The following CCDC13 variants were observed in gnomAD, a reference collection of about 807,000 sequenced individuals.
The protein encoded by CCDC13 is coiled-coil domain containing 13.
Under a neutral mutation model 87.3 loss-of-function variants are expected in CCDC13, and 70 were observed. The ratio of observed to expected loss-of-function variants is 0.80; its 90% CI spans 0.66 to 0.98. CCDC13 has a LOEUF of 0.98. CCDC13 is among the 50% of genes least tolerant of loss of function. The pLI, the probability that CCDC13 is intolerant of heterozygous loss-of-function variation, is 0.00. For missense variants in CCDC13, 842 were observed against 892.0 expected (o/e 0.94, Z 0.71); for synonymous variants, 317 against 360.3 (o/e 0.88, Z 1.36).
At chr3:42,743,125 T>C in intron 7 of CCDC13, 68 bp from the exon 8 acceptor site, 5 of 1,574,636 alleles carry the variant, frequency 3.2e-6, no homozygotes, top group South Asian at 2.3e-5. Flanking sequence ...AGAAGTGTGA[T>C]AGGAGACCCC....
intron 9 of CCDC13, among the ~76,000 whole-genome samples, chr3:42,737,484 G>A (rs189352456): frequency 4.6e-5 from 7 of 152,174 alleles, no homozygotes; most frequent in African/African-American, 7.2e-5. Context: ...TTGAGGAATC[G>A]CCACACTGTC....
chr3:42,772,101 A>G (rs1193689117), intron 1 of CCDC13, among the ~76,000 whole-genome samples: 1 of 151,548 alleles, frequency 6.6e-6, no homozygotes, highest in Non-Finnish European at 1.5e-5. Flanking sequence ...GTGAAACCCC[A>G]TCTCTACTAA....
chr3:42,709,285 C>T, intron 15 of CCDC13, 146 bp from the exon 16 acceptor site: 1 of 783,782 alleles, frequency 1.3e-6, no homozygotes, highest in Non-Finnish European at 2.0e-6. Flanking sequence ...CTCACTGACT[C>T]TTGTGGGTAC....
chr3:42,761,165 T>C (rs748119873), intron 1 of CCDC13, among the ~76,000 whole-genome samples: 1 of 152,234 alleles, frequency 6.6e-6, no homozygotes, highest in Non-Finnish European at 1.5e-5. Flanking sequence ...CCACATCATC[T>C]ACCTATCATC....
chr3:42,723,620 C>T (rs955659152), intron 13 of CCDC13, among the ~76,000 whole-genome samples: 1 of 152,016 alleles, frequency 6.6e-6, no homozygotes, highest in Non-Finnish European at 1.5e-5. Context: ...TCCAAGAACA[C>T]TAGAGCTGTA....
chr3:42,751,459 G>T (rs916594325), intron 5 of CCDC13, among the ~76,000 whole-genome samples: 1 of 152,212 alleles, frequency 6.6e-6, no homozygotes, highest in African/African-American at 2.4e-5. Flanking sequence ...CCACGAAAGG[G>T]AAAGTGTTCA....
chr3:42,751,110 A>T (rs539420614), intron 5 of CCDC13, among the ~76,000 whole-genome samples: 2 of 152,194 alleles, frequency 1.3e-5, no homozygotes, highest in Non-Finnish European at 2.9e-5. Context: ...ATCCTCAAGG[A>T]AGGCACAGGG....
intron 1 of CCDC13, chr3:42,771,212 C>G (rs1439439101): frequency 2.0e-5 from 3 of 152,184 alleles, no homozygotes; most frequent in East Asian, 3.9e-4. Flanking sequence ...TCTGAAAAGG[C>G]TACATGCTGT....
Position 42,747,253 on chromosome 3 carries a change from AG to A in CCDC13, c.720+3del. The A allele has an allele frequency of 1.2e-6, 2 of 1,610,624 alleles. No homozygotes were observed. The highest frequency in any genetic ancestry group is 1.7e-6 in the Non-Finnish European group (2 of 1,176,858). On this transcript the variant is annotated splice_donor_region_variant and intron_variant, in intron 6 of 15. Coordinates refer to ENST00000310232, the MANE Select transcript of CCDC13 (RefSeq NM_144719.4). ...AGAAGCCCCAAGCCCTGGCTCTGAA[AG>A]ACCTTCTGTGCCATCCGCAGCTCCT...
At chr3:42,726,931 T>C (rs1335838609) in intron 13 of CCDC13, among the ~76,000 whole-genome samples, 3 of 152,042 alleles carry the variant, frequency 2.0e-5, no homozygotes, top group Non-Finnish European at 2.9e-5. Context: ...ACAATAAAAC[T>C]GATAGCAGAT....
chr3:42,705,122 TTG>T (rs1349876176), downstream of CCDC13, among the ~76,000 whole-genome samples: 3 of 152,154 alleles, frequency 2.0e-5, no homozygotes, highest in African/African-American at 7.2e-5. Context: ...TATATGTGTG[TTG>T]TGTGTGTGCA....
intron 13 of CCDC13, among the ~76,000 whole-genome samples, chr3:42,722,713 GAAAT>G (rs536935736): frequency 6.4e-4 from 97 of 150,770 alleles, no homozygotes; most frequent in African/African-American, 2.4e-3. Context: ...ATATCATCAA[GAAAT>G]AACCATAAAA....
chr3:42,769,721 G>T (rs917576481), intron 1 of CCDC13, among the ~76,000 whole-genome samples: 1 of 152,258 alleles, frequency 6.6e-6, no homozygotes, highest in Non-Finnish European at 1.5e-5. Context: ...AGTGAGAGGT[G>T]CCGGTGAGAA....
intron 3 of CCDC13, among the ~76,000 whole-genome samples, chr3:42,753,299 G>T (rs1420141484): frequency 2.4e-4 from 37 of 152,208 alleles, no homozygotes; most frequent in Admixed American, 2.4e-3. Flanking sequence ...ATCTAGCCAA[G>T]CCTGGCCTAG....
chr3:42,716,528 G>A (rs1698433905), intron 13 of CCDC13, among the ~76,000 whole-genome samples: 1 of 152,148 alleles, frequency 6.6e-6, no homozygotes, highest in Non-Finnish European at 1.5e-5. Context: ...TAAAAAGTAG[G>A]CAAAAGACTT....
At chr3:42,752,765 A>T in intron 3 of CCDC13, 48 bp from the exon 4 acceptor site, 2 of 1,603,458 alleles carry the variant, frequency 1.2e-6, no homozygotes, top group Non-Finnish European at 1.7e-6. Flanking sequence ...AGGCATACAC[A>T]TCAAACTCAT....
intron 14 of CCDC13, among the ~76,000 whole-genome samples, chr3:42,710,783 T>C (rs1326744230): frequency 1.3e-5 from 2 of 152,210 alleles, no homozygotes; most frequent in Admixed American, 6.5e-5. Flanking sequence ...CTACAGGGGC[T>C]GGACTGAGTG....
chr3:42,731,688 C>T (rs1698836634), intron 12 of CCDC13, among the ~76,000 whole-genome samples: 1 of 152,124 alleles, frequency 6.6e-6, no homozygotes. Context: ...GCCGATTCTT[C>T]ACTCTGCCCT....
At chr3:42,758,381 A>G in intron 1 of CCDC13, 30 bp from the exon 2 acceptor site, 2 of 1,603,856 alleles carry the variant, frequency 1.2e-6, no homozygotes, top group East Asian at 2.2e-5. Flanking sequence ...CCTCAGCTGA[A>G]GCAAACTCCA....
Sources: gnomAD v4.1 joint callset for allele counts (sites outside exome capture counted in the v4.1 genomes callset) on GRCh38, gnomAD v4.1.1 for gene constraint, MANE v1.5 for transcripts, NCBI Gene and HGNC (gene_info 2026-07-23, HGNC 2026-07-21) for gene names.